The following XPO5 variants were observed in gnomAD, a reference collection of about 807,000 sequenced individuals.
The protein encoded by XPO5 is exportin-5.
Under a neutral mutation model 160.6 loss-of-function variants are expected in XPO5, and 46 were observed. The ratio of observed to expected loss-of-function variants is 0.29; its 90% CI spans 0.23 to 0.37. The LOEUF (loss-of-function observed/expected upper bound fraction) is 0.37. XPO5 is among the 10% of genes least tolerant of loss of function. The probability of loss-of-function intolerance (pLI) is 1.00; values close to 1 mark genes in which losing one functional copy is unlikely to be tolerated. For synonymous variants in XPO5, 537 were observed against 519.3 expected (o/e 1.03, Z -0.46); for missense variants, 1,090 against 1,463.9 (o/e 0.74, Z 4.17).
intron 22 of XPO5, among the ~76,000 whole-genome samples, chr6:43,531,057 A>G (rs1275292157): frequency 6.6e-6 from 1 of 152,262 alleles, no homozygotes; most frequent in Non-Finnish European, 1.5e-5. Flanking sequence ...GGACGATCTC[A>G]TTAGCTTGGC....
chr6:43,565,074 C>T (rs1762629588), intron 8 of XPO5, among the ~76,000 whole-genome samples: 1 of 151,994 alleles, frequency 6.6e-6, no homozygotes, highest in Admixed American at 6.6e-5. Context: ...AGGCGTGCGC[C>T]ACCAGGTCTG....
At chr6:43,568,856 C>G in intron 5 of XPO5, 119 bp from the exon 6 acceptor site, 2 of 886,066 alleles carry the variant, frequency 2.3e-6, no homozygotes, top group Non-Finnish European at 3.3e-6. Context: ...AATTTTTCAT[C>G]TTGGAAAATA....
chr6:43,529,848 C>G (rs1184091667), intron 23 of XPO5, among the ~76,000 whole-genome samples: 1 of 150,228 alleles, frequency 6.7e-6, no homozygotes, highest in Non-Finnish European at 1.5e-5. Flanking sequence ...ATCACTTGAG[C>G]CTGCACTGAG....
intron 1 of XPO5, 143 bp downstream of exon 1, chr6:43,575,617 G>A (rs1171605252): frequency 4.4e-6 from 3 of 680,906 alleles, no homozygotes; most frequent in East Asian, 3.0e-5. Flanking sequence ...GCGGAGGGCC[G>A]CGAGGGGAAG....
At chr6:43,547,279 C>A in intron 19 of XPO5, 1 of 411,350 alleles carries the variant, frequency 2.4e-6, no homozygotes, top group Non-Finnish European at 4.6e-6. Flanking sequence ...TCACTTAAGA[C>A]TTTACATGCC....
At chr6:43,561,817 A>G in intron 9 of XPO5, 1 of 155,666 alleles carries the variant, frequency 6.4e-6, no homozygotes, top group South Asian at 2.0e-4. Flanking sequence ...TATTTCTCTA[A>G]TGGCAGGTTT....
At chr6:43,543,801 C>T (rs545786808) in intron 20 of XPO5, among the ~76,000 whole-genome samples, 11 of 152,036 alleles carry the variant, frequency 7.2e-5, no homozygotes, top group African/African-American at 2.4e-4. Flanking sequence ...CTCAGCCTCC[C>T]GAGTAGCTGG....
Position 43,546,568 on chromosome 6 carries a change from C to T in XPO5, c.2342+3G>A. 2 of 1,599,692 alleles carry T rather than the reference C, an allele frequency of 1.3e-6. No individual in the cohort carries two copies. The highest frequency in any genetic ancestry group is 1.7e-6 in the Non-Finnish European group (2 of 1,175,434). On this transcript the variant is annotated splice_donor_region_variant and intron_variant, in intron 20 of 31. Transcript: ENST00000265351. ...ACAGAGAAAAGCCATTATTCTGACTCACCTTATAAGCGCAAGCAAATTGTC... is the reference window on the plus strand; with the variant it reads ...ACAGAGAAAAGCCATTATTCTGACTTACCTTATAAGCGCAAGCAAATTGTC...
chr6:43,567,239 C>A lies in XPO5; in HGVS notation c.764G>T (p.Cys255Phe). The A allele has an allele frequency of 6.2e-7, 1 of 1,613,986 alleles. No individual in the cohort carries two copies. Among genetic ancestry groups the A allele is most frequent in the Non-Finnish European group, 8.5e-7 (1 of 1,179,876 alleles). Residue 255 changes from cysteine to phenylalanine, a missense_variant, in exon 7 of 32, where the codon TGT becomes TTT. By Grantham distance (205) the Cys-to-Phe change is radical. Transcript: ENST00000265351. ...AAGTTCCTGTTCATTCAACAGCAAA[C>A]ACAGTATCTCCAGGAGTTTACAGTT... The part of the protein sequence containing the change: ...AENCKLLEIL[C>F]LLLNEQELQL...
chr6:43,538,111 A>G (rs901359247), intron 20 of XPO5, among the ~76,000 whole-genome samples: 2 of 142,196 alleles, frequency 1.4e-5, no homozygotes, highest in Admixed American at 7.0e-5. Flanking sequence ...AAGGCAAGGA[A>G]CTTATAAATT....
chr6:43,571,050 G>A, intron 3 of XPO5, 56 bp from the exon 4 acceptor site: 1 of 1,552,320 alleles, frequency 6.4e-7, no homozygotes, highest in Non-Finnish European at 8.7e-7. Context: ...CAGACTTCCA[G>A]AAAAAAGCTG....
intron 14 of XPO5, among the ~76,000 whole-genome samples, chr6:43,553,056 G>T (rs946608346): frequency 6.6e-6 from 1 of 152,148 alleles, no homozygotes; most frequent in South Asian, 2.1e-4. Flanking sequence ...GGTCATGCCC[G>T]CAATCTCAGC....
At position 43,523,033 on chromosome 6, in the gene XPO5, A is replaced by G. The variant is rs1017018915; in HGVS notation, c.*835T>C. On this transcript the variant is annotated 3_prime_UTR_variant, in exon 32 of 32. Coordinates refer to ENST00000265351, the MANE Select transcript of XPO5 (RefSeq NM_020750.3). The stretch of plus-strand genomic sequence containing the variant: ...CGGCTTTGCTAGCTGCTCATCACAG[A>G]TGTAGCCTAGTTGGTCTGTATTATC... 1.2e-5 allele frequency: 2 copies of G among 163,724 alleles called. No individual in the cohort carries two copies. The highest frequency in any genetic ancestry group is 4.8e-5 in the African/African-American group (2 of 41,752). The allele number at this position is 163,724 out of a possible 1,614,324, so 10.1% of individuals were successfully genotyped here. A position where few individuals can be genotyped will look rare whatever the true frequency, so the allele number is the denominator to read the frequency against.
Position 43,570,914 on chromosome 6 carries a change from C to T in XPO5, c.381G>A (p.Glu127=). The T allele has an allele frequency of 6.2e-7, 1 of 1,613,624 alleles. No individual in the cohort carries two copies. The highest frequency in any genetic ancestry group is 8.5e-7 in the Non-Finnish European group (1 of 1,179,782). Residue 127 remains glutamate (E), a synonymous_variant, in exon 4 of 32, where the codon GAG becomes GAA. Coordinates refer to ENST00000265351, the MANE Select transcript of XPO5 (RefSeq NM_020750.3). ...SRIVVEMIKR[E]WPQHWPDMLI... ...GCATGTCAGGCCAATGCTGTGGCCA[C>T]TCTCGCTTGATCATTTCCACTACAA...
intron 8 of XPO5, among the ~76,000 whole-genome samples, chr6:43,564,228 A>C (rs1582241558): frequency 6.6e-6 from 1 of 152,196 alleles, no homozygotes; most frequent in Admixed American, 6.5e-5. Flanking sequence ...GGCCCGCTAA[A>C]TTTATTTAAA....
chr6:43,528,995 C>T, intron 23 of XPO5, 70 bp from the exon 24 acceptor site: 1 of 1,426,752 alleles, frequency 7.0e-7, no homozygotes, highest in South Asian at 1.3e-5. Context: ...GTGGGTTGCA[C>T]CCCTGGGCAG....
intron 23 of XPO5, chr6:43,529,378 T>TAAAAAAAAA: frequency 8.2e-6 from 1 of 121,292 alleles, no homozygotes; most frequent in South Asian, 5.8e-5. Context: ...CCGTCTCTAC[T>TAAAAAAAAA]AAAAAAAAAA....
chr6:43,572,079 T>C (rs903488772), intron 3 of XPO5, among the ~76,000 whole-genome samples: 2 of 152,188 alleles, frequency 1.3e-5, no homozygotes, highest in Admixed American at 6.5e-5. Flanking sequence ...TTTCTGCTTT[T>C]GTTTTGTTTT....
At chr6:43,558,746 T>A (rs1013539449) in intron 11 of XPO5, among the ~76,000 whole-genome samples, 155 bp from the exon 12 acceptor site, 1 of 152,194 alleles carries the variant, frequency 6.6e-6, no homozygotes, top group Admixed American at 6.5e-5. Context: ...CTATCACAGG[T>A]CCACAGTTTG....
Sources: allele counts gnomAD v4.1 joint callset (sites outside exome capture counted in the v4.1 genomes callset), GRCh38; gene constraint gnomAD v4.1.1; transcripts MANE v1.5; gene names NCBI Gene and HGNC (gene_info 2026-07-23, HGNC 2026-07-21).